Variants in RAP1GAP2 observed in about 807,000 individuals in gnomAD.
RAP1GAP2 encodes the protein rap1 GTPase-activating protein 2.
Under a neutral mutation model 95.0 loss-of-function variants are expected in RAP1GAP2, and 27 were observed. That is an observed-to-expected ratio of 0.28 (90% confidence interval 0.21 to 0.39). RAP1GAP2 has a LOEUF of 0.39. RAP1GAP2 is among the 10% of genes least tolerant of loss of function. The pLI is 1.00. For missense variants in RAP1GAP2, 771 were observed against 970.0 expected, an observed-to-expected ratio of 0.79 and a Z score of 2.72; for synonymous variants, 373 against 380.9, an observed-to-expected ratio of 0.98 and a Z score of 0.24.
Position 2,995,330 on chromosome 17 carries a change from T to C in RAP1GAP2, c.915-7T>C. 2 of 1,613,246 alleles carry C rather than the reference T, an allele frequency of 1.2e-6. No homozygotes were observed. The highest frequency in any genetic ancestry group is 1.7e-6 in the Non-Finnish European group (2 of 1,179,268). On this transcript the variant is annotated splice_polypyrimidine_tract_variant and splice_region_variant and intron_variant, in intron 12 of 24. Transcript: ENST00000254695. ...TCTCCCCATCTCCTGCCCTGTTTTG[T>C]TGACAGTTTCCGAGGAGGCCTGGAC...
chr17:2,839,779 C>A (rs1051712077), intron 2 of RAP1GAP2, among the ~76,000 whole-genome samples: 1 of 152,086 alleles, frequency 6.6e-6, no homozygotes, highest in Non-Finnish European at 1.5e-5. Context: ...CAGGTATAGA[C>A]CAGGTATAGA....
chr17:2,949,731 G>C (rs913613262), intron 3 of RAP1GAP2, among the ~76,000 whole-genome samples: 1 of 152,230 alleles, frequency 6.6e-6, no homozygotes, highest in Non-Finnish European at 1.5e-5. Context: ...GCCATCTCAG[G>C]GTGTGTGGAT....
chr17:2,910,085 G>A (rs2042322564), intron 3 of RAP1GAP2, among the ~76,000 whole-genome samples: 1 of 152,202 alleles, frequency 6.6e-6, no homozygotes. Flanking sequence ...CATCACAAAA[G>A]TGATGACATT....
chr17:2,952,498 C>T (rs2043956306), intron 3 of RAP1GAP2, among the ~76,000 whole-genome samples: 2 of 152,230 alleles, frequency 1.3e-5, no homozygotes, highest in South Asian at 2.1e-4. Flanking sequence ...GACCAAAGGA[C>T]GTGGATATTT....
At chr17:2,851,772 A>G (rs1471832942) in intron 2 of RAP1GAP2, among the ~76,000 whole-genome samples, 4 of 152,056 alleles carry the variant, frequency 2.6e-5, no homozygotes, top group East Asian at 1.9e-4. Context: ...GGGTCTCACT[A>G]TGTTGCCCAG....
intron 3 of RAP1GAP2, among the ~76,000 whole-genome samples, chr17:2,950,809 T>G (rs912756443): frequency 2.3e-4 from 34 of 151,066 alleles, no homozygotes; most frequent in African/African-American, 7.8e-4. Context: ...TGGGGTTTCA[T>G]CATGTTGGCC....
At chr17:2,788,346 A>G (rs1246356897) in intron 1 of RAP1GAP2, among the ~76,000 whole-genome samples, 2 of 152,120 alleles carry the variant, frequency 1.3e-5, no homozygotes, top group Non-Finnish European at 2.9e-5. Flanking sequence ...CCCAGGCAGG[A>G]GTGCAGTGGC....
At chr17:2,910,688 G>A (rs943045130) in intron 3 of RAP1GAP2, among the ~76,000 whole-genome samples, 3 of 152,122 alleles carry the variant, frequency 2.0e-5, no homozygotes, top group African/African-American at 7.2e-5. Flanking sequence ...ACGCAACGCC[G>A]TTCCTCCTCG....
At chr17:2,814,144 C>T (rs941493730) in intron 2 of RAP1GAP2, among the ~76,000 whole-genome samples, 2 of 152,132 alleles carry the variant, frequency 1.3e-5, no homozygotes, top group African/African-American at 2.4e-5. Flanking sequence ...CAAGTGGGGA[C>T]CCCAGCTTAC....
At chr17:2,983,911 G>A (rs886886169) in intron 10 of RAP1GAP2, among the ~76,000 whole-genome samples, 1 of 152,162 alleles carries the variant, frequency 6.6e-6, no homozygotes, top group African/African-American at 2.4e-5. Flanking sequence ...AGATGATGAT[G>A]GTGTTGATGA....
At chr17:2,824,825 G>A (rs1447335799) in intron 2 of RAP1GAP2, among the ~76,000 whole-genome samples, 3 of 152,056 alleles carry the variant, frequency 2.0e-5, no homozygotes, top group East Asian at 3.8e-4. Flanking sequence ...GGCCAGAGAG[G>A]AGGAGGAGGC....
intron 12 of RAP1GAP2, among the ~76,000 whole-genome samples, chr17:2,992,431 A>G (rs992259476): frequency 6.6e-6 from 1 of 152,056 alleles, no homozygotes; most frequent in Non-Finnish European, 1.5e-5. Flanking sequence ...AAGTGCTGGG[A>G]TTACAGGCGT....
chr17:2,958,104 C>T (rs1450295470), intron 4 of RAP1GAP2, among the ~76,000 whole-genome samples: 2 of 151,896 alleles, frequency 1.3e-5, no homozygotes, highest in Admixed American at 1.3e-4. Flanking sequence ...CTAGCACGAG[C>T]TGGAAAGAAG....
At chr17:2,830,952 CCCCTCCCCTCCCCTT>C (rs2070807195) in intron 2 of RAP1GAP2, among the ~76,000 whole-genome samples, 2 of 86,924 alleles carry the variant, frequency 2.3e-5, no homozygotes, top group African/African-American at 4.4e-5. Flanking sequence ...TCCCTCCCTT[CCCCTCCCCTCCCCTT>C]CCCTCCCTTC....
intron 2 of RAP1GAP2, among the ~76,000 whole-genome samples, chr17:2,883,587 T>C (rs2073380495): frequency 6.6e-6 from 1 of 152,230 alleles, no homozygotes; most frequent in South Asian, 2.1e-4. Context: ...TGTTTTCTTT[T>C]TTTTTCCTCA....
chr17:2,832,280 C>T lies in RAP1GAP2; in HGVS notation c.80+31730C>T, dbSNP rs546424615. ...AGAACATTAAAGATAAAGTCTCGGC[C>T]GGGCGCGGTGGCTCATGCCTGTAAT... On this transcript the variant is annotated intron_variant, in intron 2 of 24. Transcript: ENST00000254695. Among the ~76,000 whole-genome samples, 31 of 149,034 alleles carry T rather than the reference C, an allele frequency of 2.1e-4. No individual in the cohort carries two copies. In the East Asian group the frequency reaches 2.8e-3, roughly 13 times the overall value.
intron 3 of RAP1GAP2, among the ~76,000 whole-genome samples, chr17:2,914,780 G>A (rs1218936641): frequency 3.4e-5 from 5 of 148,428 alleles, no homozygotes; most frequent in Admixed American, 2.0e-4. Flanking sequence ...GCGAGCCACT[G>A]TGCCCGGCCA....
Position 3,008,882 on chromosome 17 carries a change from CG to C in RAP1GAP2, c.1494+738del, listed in dbSNP as rs1237830465. Among the ~76,000 whole-genome samples, 2 of 152,162 alleles carry C rather than the reference CG, an allele frequency of 1.3e-5. No homozygotes were observed. Among genetic ancestry groups the C allele is most frequent in the African/African-American group, 4.8e-5 (2 of 41,450 alleles). On this transcript the variant is annotated intron_variant, in intron 17 of 24. Transcript: ENST00000254695. This position sits in a 1 kb window ranked among gnomAD's most constrained non-coding sequence, Gnocchi z 4.2. ...GGCGGAACGGGTCTTGTTATATTCACGAACACACGTGGGGACAGGATGAGAG... is the reference window on the plus strand; with the variant it reads ...GGCGGAACGGGTCTTGTTATATTCACAACACACGTGGGGACAGGATGAGAG...
intron 22 of RAP1GAP2, among the ~76,000 whole-genome samples, chr17:3,028,371 A>G (rs1727462108): frequency 6.6e-6 from 1 of 152,086 alleles, no homozygotes; most frequent in South Asian, 2.1e-4. Flanking sequence ...TGCTACTGGC[A>G]TCTAGTGGGC....
Sources: gnomAD v4.1 joint callset for allele counts (sites outside exome capture counted in the v4.1 genomes callset) on GRCh38, gnomAD v4.1.1 for gene constraint, Gnocchi (gnomAD v3.1) non-coding constraint, MANE v1.5 for transcripts, NCBI Gene and HGNC (gene_info 2026-07-23, HGNC 2026-07-21) for gene names.